KAZN: variants seen among roughly 807,000 people sequenced by gnomAD.
The protein encoded by KAZN is kazrin.
In KAZN, 40 loss-of-function variants were observed where a neutral mutation model predicts 87.4. That is an observed-to-expected ratio of 0.46 (90% CI 0.36 to 0.60). The LOEUF is 0.60. Among genes scored for constraint, KAZN ranks in the 20% least tolerant of loss-of-function variants. The pLI is 0.00. For synonymous variants in KAZN, 466 were observed against 458.3 expected, an observed-to-expected ratio of 1.02 and a Z score of -0.22; for missense variants, 898 against 1,073.9, an observed-to-expected ratio of 0.84 and a Z score of 2.29.
At chr1:14,688,713 G>C (rs931500774) in intron 1 of KAZN, among the ~76,000 whole-genome samples, 11 of 152,258 alleles carry the variant, frequency 7.2e-5, no homozygotes, top group African/African-American at 2.7e-4. Context: ...CAGTGCACAC[G>C]TACTAGAACC....
intron 2 of KAZN, among the ~76,000 whole-genome samples, chr1:14,188,644 G>A (rs181296429): frequency 2.5e-4 from 38 of 152,220 alleles, no homozygotes; most frequent in Admixed American, 1.0e-3. Flanking sequence ...GTAACTTACC[G>A]GAAGAGCAGC....
At chr1:13,924,661 CCTATGACCT>C (rs1206046494) in intron 1 of KAZN, among the ~76,000 whole-genome samples, 14 of 152,202 alleles carry the variant, frequency 9.2e-5, no homozygotes. Context: ...GTCTTATCTA[CCTATGACCT>C]GGAAGCCCCC....
At chr1:14,461,332 G>A (rs952632789) in intron 2 of KAZN, among the ~76,000 whole-genome samples, 1 of 152,018 alleles carries the variant, frequency 6.6e-6, no homozygotes, top group Admixed American at 6.5e-5. Flanking sequence ...AATCATGGGG[G>A]GCAGTTCCCG....
chr1:13,911,895 G>T (rs1639664648), intron 1 of KAZN, among the ~76,000 whole-genome samples: 1 of 152,202 alleles, frequency 6.6e-6, no homozygotes, highest in African/African-American at 2.4e-5. Context: ...TCTAAGAAGT[G>T]AAGGATGTGG....
chr1:14,890,945 G>T (rs1312871846), intron 1 of KAZN, among the ~76,000 whole-genome samples: 3 of 146,296 alleles, frequency 2.1e-5, no homozygotes, highest in African/African-American at 7.6e-5. Context: ...CCGGGTTCAC[G>T]CCATTCTCCT....
intron 1 of KAZN, among the ~76,000 whole-genome samples, chr1:14,064,730 G>A (rs2101531965): frequency 6.6e-6 from 1 of 152,326 alleles, no homozygotes. Flanking sequence ...CATGGACAAT[G>A]CTGGTGCTTT....
At chr1:14,545,779 A>C (rs1224737753) in intron 2 of KAZN, among the ~76,000 whole-genome samples, 2 of 152,324 alleles carry the variant, frequency 1.3e-5, no homozygotes, top group Middle Eastern at 3.4e-3. Context: ...ATCCACCTAT[A>C]AGTCAAGTCA....
At chr1:14,236,440 CTTCCTTT>C (rs1648428249) in intron 2 of KAZN, among the ~76,000 whole-genome samples, 1 of 152,190 alleles carries the variant, frequency 6.6e-6, no homozygotes, top group Non-Finnish European at 1.5e-5. Context: ...AATCCATTCT[CTTCCTTT>C]CATGGGACCA....
chr1:14,170,778 A>G (rs1645938689), intron 1 of KAZN, among the ~76,000 whole-genome samples: 2 of 152,052 alleles, frequency 1.3e-5, no homozygotes, highest in Non-Finnish European at 2.9e-5. Flanking sequence ...CTACAGTGCA[A>G]TGGCACAATC....
chr1:14,754,956 G>A (rs1051881451), intron 1 of KAZN, among the ~76,000 whole-genome samples: 5 of 151,980 alleles, frequency 3.3e-5, no homozygotes, highest in East Asian at 1.9e-4. Context: ...AACAAGTCTC[G>A]CATGACCGGG....
In KAZN at chr1:15,114,980, G is replaced by A. The variant is rs550764521; in HGVS notation, c.*345G>A. On this transcript the variant is annotated 3_prime_UTR_variant, in exon 15 of 15. Transcript: ENST00000376030. ...CCAAGCAGTCCCTGGAGCCTTAAAC[G>A]GAGCTGCCAAGGTGGGAGGAGGCCC... 1.6e-4 allele frequency: 28 copies of A among 178,016 alleles called. No individual in the cohort carries two copies. The South Asian group carries it at 2.0e-3, about 13-fold the overall frequency. The allele number at this position is 178,016 out of a possible 1,614,324, so 11.0% of individuals were successfully genotyped here.
intron 1 of KAZN, among the ~76,000 whole-genome samples, chr1:14,132,764 C>A (rs1041930): frequency 0.57 from 86,746 of 151,860 alleles, 26,029 homozygotes; most frequent in East Asian, 0.76. Flanking sequence ...CAGCCCCTCA[C>A]ATATTAGGAG....
chr1:14,367,700 A>T, intron 2 of KAZN, among the ~76,000 whole-genome samples: 1 of 152,080 alleles, frequency 6.6e-6, no homozygotes, highest in East Asian at 1.9e-4. Flanking sequence ...CCTACCAATC[A>T]AAAGCTGAGC....
intron 1 of KAZN, among the ~76,000 whole-genome samples, chr1:14,849,038 C>G (rs1401572365): frequency 6.6e-6 from 1 of 152,180 alleles, no homozygotes; most frequent in Non-Finnish European, 1.5e-5. Flanking sequence ...TCATCCAGCC[C>G]CTGCCCTCAT....
chr1:14,273,218 ATGT>A (rs1474353022), intron 2 of KAZN, among the ~76,000 whole-genome samples: 2 of 152,064 alleles, frequency 1.3e-5, no homozygotes, highest in East Asian at 3.9e-4. Flanking sequence ...TAGCCTAAAG[ATGT>A]TGTTTATTGC....
intron 2 of KAZN, among the ~76,000 whole-genome samples, chr1:14,382,682 T>C (rs1661478807): frequency 6.8e-6 from 1 of 147,098 alleles, no homozygotes; most frequent in African/African-American, 2.5e-5. Flanking sequence ...TATTCCATGG[T>C]GTATATGTGC....
chr1:14,660,839 A>G (rs719486), intron 1 of KAZN, among the ~76,000 whole-genome samples: 46,631 of 151,944 alleles, frequency 0.31, 8,407 homozygotes, highest in African/African-American at 0.5. Context: ...GATCCTCCTC[A>G]TTTATGTTAC....
rs115511989 is a variant in KAZN, at chr1:14,352,146, T to C, written c.249+171554T>C. On this transcript the variant is annotated intron_variant, in intron 2 of 16. Coordinates refer to the KAZN transcript ENST00000636203. ...TATAATGTTATACATCATACAAGTA[T>C]AAACATTGTTTTATGCTTGTAACAG... 3.9e-3 allele frequency among the ~76,000 whole-genome samples: 590 copies of C among 152,362 alleles called. 3 individuals carry two copies. The highest frequency in any genetic ancestry group is 0.013 in the African/African-American group (553 of 41,584).
chr1:14,968,658 G>T (rs1353525035), intron 2 of KAZN, among the ~76,000 whole-genome samples: 1 of 152,228 alleles, frequency 6.6e-6, no homozygotes, highest in Non-Finnish European at 1.5e-5. Flanking sequence ...AGCTAGCACT[G>T]ACTGAGCATG....
Sources: allele counts gnomAD v4.1 joint callset (sites outside exome capture counted in the v4.1 genomes callset), GRCh38; gene constraint gnomAD v4.1.1; transcripts MANE v1.5; gene names NCBI Gene and HGNC (gene_info 2026-07-23, HGNC 2026-07-21).